The following IL1RAPL1 variants were observed in gnomAD, a reference collection of about 807,000 sequenced individuals.
IL1RAPL1 encodes interleukin-1 receptor accessory protein-like 1.
IL1RAPL1 carries 3 observed loss-of-function variants against 48.4 expected under a neutral mutation model. The observed-to-expected ratio is 0.06, with a 90% CI of 0.03 to 0.16. The LOEUF (loss-of-function observed/expected upper bound fraction) is 0.16, where lower values mean the gene tolerates loss of function less well. Among genes scored for constraint, IL1RAPL1 ranks in the 10% least tolerant of loss-of-function variants. The pLI is 1.00. For synonymous variants in IL1RAPL1, 185 were observed against 187.7 expected (o/e 0.99, Z 0.12); for missense variants, 349 against 530.6 (o/e 0.66, Z 3.36).
chrX:29,167,685 T>G (rs1929813161), intron 2 of IL1RAPL1, among the ~76,000 whole-genome samples: 1 of 110,910 alleles, frequency 9.0e-6, no homozygotes, highest in Non-Finnish European at 1.9e-5. Context: ...TTTCCAGATC[T>G]CTTTCCTGAT....
intron 2 of IL1RAPL1, among the ~76,000 whole-genome samples, chrX:29,189,613 G>T: frequency 9.0e-6 from 1 of 110,976 alleles, no homozygotes; most frequent in Non-Finnish European, 1.9e-5. Context: ...ATTACTGCTG[G>T]TAAATATGAA....
At chrX:28,629,848 G>C in intron 1 of IL1RAPL1, among the ~76,000 whole-genome samples, 1 of 112,080 alleles carries the variant, frequency 8.9e-6, no homozygotes, top group Non-Finnish European at 1.9e-5. Flanking sequence ...GCACGGCAAA[G>C]AGAGGCTTAA....
intron 5 of IL1RAPL1, among the ~76,000 whole-genome samples, chrX:29,521,163 C>T (rs1157882582): frequency 8.9e-6 from 1 of 112,411 alleles, no homozygotes; most frequent in African/African-American, 3.2e-5. Flanking sequence ...TTCTTTCAAA[C>T]CTCATCCAAT....
At chrX:29,660,754 C>T (rs9723510) in intron 5 of IL1RAPL1, among the ~76,000 whole-genome samples, 13,713 of 111,373 alleles carry the variant, frequency 0.12, 785 homozygotes, top group African/African-American at 0.22. Context: ...ACAATTTGAA[C>T]TCAAGTAGTG....
intron 5 of IL1RAPL1, among the ~76,000 whole-genome samples, chrX:29,416,359 C>T (rs1217154498): frequency 1.8e-5 from 2 of 110,999 alleles, no homozygotes; most frequent in African/African-American, 3.3e-5. Flanking sequence ...GACATGGTGA[C>T]ACCTTGTTTC....
chrX:29,727,277 A>G (rs1417199857), intron 6 of IL1RAPL1, among the ~76,000 whole-genome samples: 1 of 111,899 alleles, frequency 8.9e-6, no homozygotes, highest in African/African-American at 3.3e-5. Context: ...CCATCGGGGG[A>G]AATGTTACTT....
chrX:29,614,197 A>G (rs771603166), intron 5 of IL1RAPL1, among the ~76,000 whole-genome samples: 8 of 111,673 alleles, frequency 7.2e-5, no homozygotes, highest in Non-Finnish European at 1.1e-4. Context: ...TGACAAATGC[A>G]TATATAGTGC....
At chrX:29,185,119 A>G (rs895487050) in intron 2 of IL1RAPL1, among the ~76,000 whole-genome samples, 24 of 112,430 alleles carry the variant, frequency 2.1e-4, no homozygotes, top group African/African-American at 7.4e-4. Context: ...GATCGTGAGT[A>G]ATTTGTGATT....
At chrX:29,165,933 C>T (rs759902909) in intron 2 of IL1RAPL1, among the ~76,000 whole-genome samples, 1 of 112,386 alleles carries the variant, frequency 8.9e-6, no homozygotes, top group Non-Finnish European at 1.9e-5. Flanking sequence ...TTTATTGATA[C>T]TCCAAAAGAC....
At chrX:28,754,867 T>C (rs1018716457) in intron 1 of IL1RAPL1, among the ~76,000 whole-genome samples, 1 of 112,530 alleles carries the variant, frequency 8.9e-6, no homozygotes, top group Non-Finnish European at 1.9e-5. Context: ...TCTTTGGATG[T>C]AGGGTAGCTA....
intron 3 of IL1RAPL1, among the ~76,000 whole-genome samples, chrX:29,308,348 G>A (rs1932657080): frequency 8.9e-6 from 1 of 111,749 alleles, no homozygotes; most frequent in African/African-American, 3.3e-5. Flanking sequence ...AAAATCCAAA[G>A]TGTGGCTCTC....
chrX:28,791,125 A>G (rs900817523), intron 2 of IL1RAPL1, among the ~76,000 whole-genome samples: 1 of 110,047 alleles, frequency 9.1e-6, no homozygotes, highest in Admixed American at 9.7e-5. Flanking sequence ...CTTTCTGTGT[A>G]TGTCAGATCT....
chrX:29,804,242 C>G (rs778412174), intron 6 of IL1RAPL1, among the ~76,000 whole-genome samples: 1 of 111,532 alleles, frequency 9.0e-6, no homozygotes, highest in Non-Finnish European at 1.9e-5. Context: ...GGCATTTTTT[C>G]TGGCGTGATC....
chrX:29,720,272 T>C (rs1927602815), intron 6 of IL1RAPL1, among the ~76,000 whole-genome samples: 1 of 110,463 alleles, frequency 9.1e-6, no homozygotes, highest in African/African-American at 3.3e-5. Context: ...CAAAGGATTA[T>C]AAATTATTCT....
At chrX:28,681,263 C>T (rs752115118) in intron 1 of IL1RAPL1, among the ~76,000 whole-genome samples, 5 of 111,027 alleles carry the variant, frequency 4.5e-5, no homozygotes, top group Admixed American at 9.6e-5. Flanking sequence ...TGCAATGTCT[C>T]ATTTTTTCAT....
Position 29,919,538 on chromosome X carries a change from C to T in IL1RAPL1, c.912-411C>T, listed in dbSNP as rs1201303222. Among the ~76,000 whole-genome samples, 7 of 112,590 alleles carry T rather than the reference C, an allele frequency of 6.2e-5. No individual in the cohort carries two copies. The East Asian group carries it at 1.9e-3, about 31-fold the overall frequency. On this transcript the variant is annotated intron_variant, in intron 7 of 10. Transcript: ENST00000378993. The stretch of plus-strand genomic sequence containing the variant: ...CATTTCAACTGAAATGTCAAAATAG[C>T]TCAGAAATTTTCTTTTCTTTTTTAA...
chrX:28,847,949 C>T (rs923834148), intron 2 of IL1RAPL1, among the ~76,000 whole-genome samples: 1 of 111,987 alleles, frequency 8.9e-6, no homozygotes, highest in African/African-American at 3.3e-5. Flanking sequence ...CTACAAAAGG[C>T]CCTGCTTTAT....
chrX:28,669,045 A>G lies in IL1RAPL1; in HGVS notation c.-25+80998A>G, dbSNP rs757829639. On this transcript the variant is annotated intron_variant, in intron 1 of 10. Transcript: ENST00000378993. The stretch of plus-strand genomic sequence containing the variant: ...TAATCAGGAAAATTGCCCTCATCTG[A>G]TATGTTGAACTTATAAAAATTGCCC... Among the ~76,000 whole-genome samples the G allele has an allele frequency of 2.7e-5, 3 of 111,630 alleles. No homozygotes were observed. The South Asian group carries it at 1.1e-3, about 42-fold the overall frequency.
At chrX:29,591,721 A>G (rs1026665824) in intron 5 of IL1RAPL1, among the ~76,000 whole-genome samples, 1 of 112,656 alleles carries the variant, frequency 8.9e-6, no homozygotes, top group Non-Finnish European at 1.9e-5. Context: ...GCAGCTGTTT[A>G]TTAAGGGTGA....
Sources: gnomAD v4.1 joint callset for allele counts (sites outside exome capture counted in the v4.1 genomes callset) on GRCh38, gnomAD v4.1.1 for gene constraint, MANE v1.5 for transcripts, NCBI Gene and HGNC (gene_info 2026-07-23, HGNC 2026-07-21) for gene names.